The following KANK1 variants were observed in gnomAD, a reference collection of about 807,000 sequenced individuals.
KANK1 encodes the protein KN motif and ankyrin repeat domain-containing protein 1.
A neutral mutation model predicts 106.2 loss-of-function variants in KANK1; 109 were observed. The observed-to-expected ratio is 1.03, with a 90% CI of 0.88 to 1.20. The LOEUF (loss-of-function observed/expected upper bound fraction) is 1.20. Ranked by LOEUF, KANK1 falls within the 50% of genes most tolerant of loss-of-function variation. KANK1 has a pLI of 0.00. For synonymous variants in KANK1, 873 were observed against 652.2 expected (o/e 1.34, Z -5.16); for missense variants, 2,399 against 1,710.7 (o/e 1.40, Z -7.10).
chr9:510,335 A>T (rs1563691213), intron 1 of KANK1, among the ~76,000 whole-genome samples: 1 of 152,190 alleles, frequency 6.6e-6, no homozygotes, highest in Non-Finnish European at 1.5e-5. Flanking sequence ...TATAAGAAGG[A>T]TCATACCATT....
At chr9:543,673 A>G (rs1250877128) in intron 1 of KANK1, among the ~76,000 whole-genome samples, 1 of 152,216 alleles carries the variant, frequency 6.6e-6, no homozygotes, top group East Asian at 1.9e-4. Context: ...TCATTTCACC[A>G]GAAAATGACC....
intron 1 of KANK1, among the ~76,000 whole-genome samples, chr9:570,652 C>G (rs188207353): frequency 1.3e-3 from 202 of 152,350 alleles, no homozygotes; most frequent in African/African-American, 4.4e-3. Flanking sequence ...TTTAACACCA[C>G]TTGCCTCCAG....
At chr9:501,851 G>A (rs187580664), upstream of KANK1, among the ~76,000 whole-genome samples, 22 of 152,280 alleles carry the variant, frequency 1.4e-4, no homozygotes, top group Admixed American at 6.5e-4. Flanking sequence ...CCAGCCTCGC[G>A]AGAGTCTTTA....
At chr9:657,548 TTTG>T (rs964715306) in intron 1 of KANK1, among the ~76,000 whole-genome samples, 31 of 152,244 alleles carry the variant, frequency 2.0e-4, no homozygotes, top group Admixed American at 1.7e-3. Flanking sequence ...GCTTTGTTTT[TTTG>T]TTGTTGTTTG....
Position 630,429 on chromosome 9 carries a change from T to TA in KANK1, c.-83-46460dup, listed in dbSNP as rs528713123. ...AGCCAGGCATGGTGGCGGGCGCCTG[T>TA]AGTCCCAGCTACTCGGGAGGCTGAG... On this transcript the variant is annotated intron_variant, in intron 1 of 11. Transcript: ENST00000382297. Among the ~76,000 whole-genome samples, 27 of 152,062 alleles carry TA rather than the reference T, an allele frequency of 1.8e-4. No individual in the cohort carries two copies. In the East Asian group the frequency reaches 5.0e-3, roughly 28 times the overall value.
At chr9:504,522 C>T (rs1230169875), upstream of KANK1, among the ~76,000 whole-genome samples, 1 of 151,610 alleles carries the variant, frequency 6.6e-6, no homozygotes, top group Non-Finnish European at 1.5e-5. Flanking sequence ...CGGCCCGCGC[C>T]GTTCTTCTCA....
chr9:557,259 A>G (rs186624687), intron 1 of KANK1, among the ~76,000 whole-genome samples: 6 of 152,258 alleles, frequency 3.9e-5, no homozygotes, highest in African/African-American at 1.2e-4. Context: ...GTGAAAAGAT[A>G]TATTGTTTTG....
exon 1 of KANK1, chr9:470,332 G>A (rs1376768369): frequency 6.6e-6 from 1 of 152,404 alleles, no homozygotes; most frequent in Non-Finnish European, 1.5e-5. Context: ...GCGTGCTCCA[G>A]CCTGCTCAGC....
chr9:670,954 T>TTG lies in KANK1; in HGVS notation c.-83-5935_-83-5934insGT, dbSNP rs1159888518. On this transcript the variant is annotated intron_variant, in intron 1 of 11. Coordinates refer to ENST00000382297, the MANE Select transcript of KANK1 (RefSeq NM_015158.5). ...TTCTCTTACTGTCTGCTGGAGTTTTTTTTTTTTTTTTTTTTTTTTTTTTTA... is the reference window on the plus strand; with the variant it reads ...TTCTCTTACTGTCTGCTGGAGTTTTTTGTTTTTTTTTTTTTTTTTTTTTTTTA... Among the ~76,000 whole-genome samples, 284 of 126,604 alleles carry TTG rather than the reference T, an allele frequency of 2.2e-3. 1 individual carries two copies. Among genetic ancestry groups the TTG allele is most frequent in the East Asian group, 0.012 (51 of 4,140 alleles). 83.1% of individuals were successfully genotyped at this position (126,604 alleles called of 152,430 possible).
intron 1 of KANK1, among the ~76,000 whole-genome samples, chr9:594,471 T>C (rs1220855890): frequency 6.6e-6 from 1 of 151,934 alleles, no homozygotes; most frequent in African/African-American, 2.4e-5. Flanking sequence ...TGATTTCTTT[T>C]TGACTTTGTA....
intron 1 of KANK1, among the ~76,000 whole-genome samples, chr9:609,116 GA>G (rs1050298321): frequency 1.7e-4 from 25 of 143,878 alleles, no homozygotes; most frequent in Admixed American, 3.5e-4. Flanking sequence ...AAAGCTGGCT[GA>G]AAAAAAAAAA....
At position 601,611 on chromosome 9, in the gene KANK1, A is replaced by G. The variant is rs558659164; in HGVS notation, c.-83-75279A>G. Among the ~76,000 whole-genome samples the G allele has an allele frequency of 8.6e-5, 13 of 151,830 alleles. 1 individual carries two copies. Among genetic ancestry groups the G allele is most frequent in the African/African-American group, 1.5e-4 (6 of 41,112 alleles). ...GTCAGTTTCCCTTATTGCTAGTGCT[A>G]TTCGTGTGGACTCATCATGGACAGT... On this transcript the variant is annotated intron_variant, in intron 1 of 11. Coordinates refer to ENST00000382297, the MANE Select transcript of KANK1 (RefSeq NM_015158.5).
At chr9:553,860 T>C (rs1659727526) in intron 1 of KANK1, among the ~76,000 whole-genome samples, 1 of 152,154 alleles carries the variant, frequency 6.6e-6, no homozygotes, top group African/African-American at 2.4e-5. Flanking sequence ...CCAAATATAA[T>C]GGAAATCTGA....
At position 695,080 on chromosome 9, in the gene KANK1, G is replaced by A. The variant is rs145831971; in HGVS notation, c.38-15724G>A. On this transcript the variant is annotated intron_variant, in intron 2 of 11. Transcript: ENST00000382297. Reference sequence around the variant, plus strand: ...CATTGTATGATTCCAGGGCTCTCTTGCCCATGGCTCGTGCATGAACTAGGA... The same window carrying A: ...CATTGTATGATTCCAGGGCTCTCTTACCCATGGCTCGTGCATGAACTAGGA... 2.0e-4 allele frequency among the ~76,000 whole-genome samples: 30 copies of A among 152,200 alleles called. No homozygotes were observed. The East Asian group carries it at 4.4e-3, about 23-fold the overall frequency.
At chr9:737,531 C>T (rs1017470556) in intron 7 of KANK1, among the ~76,000 whole-genome samples, 2 of 152,184 alleles carry the variant, frequency 1.3e-5, no homozygotes, top group African/African-American at 4.8e-5. Flanking sequence ...TTCATGTGAC[C>T]CAGGGTTGAG....
chr9:536,258 T>C (rs1359188534), intron 1 of KANK1, among the ~76,000 whole-genome samples: 4 of 152,138 alleles, frequency 2.6e-5, no homozygotes, highest in African/African-American at 9.7e-5. Context: ...AGAGAATCAC[T>C]TGAAACCCAG....
intron 1 of KANK1, among the ~76,000 whole-genome samples, chr9:533,387 T>A (rs763979698): frequency 6.6e-6 from 1 of 152,228 alleles, no homozygotes; most frequent in Non-Finnish European, 1.5e-5. Context: ...AGAATGGACA[T>A]AGAGAAAATT....
intron 1 of KANK1, among the ~76,000 whole-genome samples, chr9:675,042 G>A (rs1238534874): frequency 1.3e-5 from 2 of 151,930 alleles, no homozygotes; most frequent in Non-Finnish European, 2.9e-5. Flanking sequence ...TATTACAAAA[G>A]TAAGAAAAGA....
intron 1 of KANK1, among the ~76,000 whole-genome samples, chr9:555,027 GC>G (rs1398206981): frequency 1.3e-5 from 2 of 152,128 alleles, no homozygotes; most frequent in Non-Finnish European, 2.9e-5. Flanking sequence ...GCATCCGTTT[GC>G]CCAGTCAAGT....
Sources: allele counts gnomAD v4.1 joint callset (sites outside exome capture counted in the v4.1 genomes callset), GRCh38; gene constraint gnomAD v4.1.1; transcripts MANE v1.5; gene names NCBI Gene and HGNC (gene_info 2026-07-23, HGNC 2026-07-21).